The following BRINP2 variants were observed in gnomAD, a reference collection of about 807,000 sequenced individuals.
BRINP2 encodes BMP/retinoic acid inducible neural specific 2.
A neutral mutation model predicts 69.2 loss-of-function variants in BRINP2; 21 were observed. That is an observed-to-expected ratio of 0.30 (90% CI 0.22 to 0.44). BRINP2 has a LOEUF of 0.44. Ranked by LOEUF, BRINP2 falls within the 20% of genes least tolerant of loss-of-function variation. The pLI, the probability that BRINP2 is intolerant of heterozygous loss-of-function variation, is 1.00. For missense variants in BRINP2, 877 were observed against 986.0 expected, an observed-to-expected ratio of 0.89 and a Z score of 1.48; for synonymous variants, 380 against 394.1, an observed-to-expected ratio of 0.96 and a Z score of 0.42.
intron 2 of BRINP2, 67 bp downstream of exon 2, chr1:177,230,212 G>A (rs1649825927): frequency 6.6e-7 from 1 of 1,504,084 alleles, no homozygotes; most frequent in Admixed American, 2.1e-5. Context: ...CCCTGCTGGT[G>A]TGCTGGCCCA....
At chr1:177,184,005 T>C (rs996262129) in intron 1 of BRINP2, among the ~76,000 whole-genome samples, 2 of 152,242 alleles carry the variant, frequency 1.3e-5, no homozygotes. Context: ...TCTATTATCT[T>C]GATTTCCTTC....
At chr1:177,173,580 G>A (rs1032610471) in intron 1 of BRINP2, among the ~76,000 whole-genome samples, 11 of 152,206 alleles carry the variant, frequency 7.2e-5, no homozygotes, top group African/African-American at 2.4e-4. Flanking sequence ...TTCCTGCTCT[G>A]TCAGCATGGG....
chr1:177,245,224 A>G lies in BRINP2; in HGVS notation c.270-10695A>G, dbSNP rs574875333. Among the ~76,000 whole-genome samples the G allele has an allele frequency of 2.0e-5, 3 of 152,220 alleles. No individual in the cohort carries two copies. In the East Asian group the frequency reaches 5.8e-4, roughly 30 times the overall value. ...TAATGTACTCTCAGTGGCTCAGAAT[A>G]TATCTACCAGATTGTGTTCAATTTT... On this transcript the variant is annotated intron_variant, in intron 2 of 7. Coordinates refer to ENST00000361539, the MANE Select transcript of BRINP2 (RefSeq NM_021165.4).
intron 1 of BRINP2, among the ~76,000 whole-genome samples, chr1:177,208,178 G>A (rs1045138415): frequency 1.3e-5 from 2 of 152,202 alleles, no homozygotes; most frequent in African/African-American, 2.4e-5. Context: ...ATGAAAAGCA[G>A]TAAGAGCAAT....
chr1:177,246,131 G>C (rs1469961204), intron 2 of BRINP2, among the ~76,000 whole-genome samples: 2 of 152,186 alleles, frequency 1.3e-5, no homozygotes, highest in African/African-American at 2.4e-5. Context: ...GTGTCTCTAA[G>C]AATTGCAAGG....
chr1:177,267,481 T>C (rs534861092), intron 4 of BRINP2, among the ~76,000 whole-genome samples: 1 of 152,350 alleles, frequency 6.6e-6, no homozygotes, highest in South Asian at 2.1e-4. Flanking sequence ...ATTTTATCTC[T>C]TGGTCAATGC....
At chr1:177,274,655 C>T (rs1457596489) in intron 5 of BRINP2, among the ~76,000 whole-genome samples, 1 of 152,288 alleles carries the variant, frequency 6.6e-6, no homozygotes. Context: ...TACCCCAACA[C>T]TCATGCAGAC....
chr1:177,238,579 G>C (rs993454896), intron 2 of BRINP2, among the ~76,000 whole-genome samples: 1 of 152,200 alleles, frequency 6.6e-6, no homozygotes, highest in Admixed American at 6.5e-5. Flanking sequence ...GAATGTCCAA[G>C]AGACAAGAGC....
chr1:177,249,993 G>A (rs1650529580), intron 2 of BRINP2, among the ~76,000 whole-genome samples: 1 of 152,208 alleles, frequency 6.6e-6, no homozygotes, highest in Admixed American at 6.5e-5. Flanking sequence ...CTGTGGCTTA[G>A]TACTTATGCC....
chr1:177,185,852 T>C (rs1173268520), intron 1 of BRINP2, among the ~76,000 whole-genome samples: 1 of 152,194 alleles, frequency 6.6e-6, no homozygotes, highest in African/African-American at 2.4e-5. Context: ...TTCTGGAAAT[T>C]ACTGCCAGTG....
intron 7 of BRINP2, 101 bp downstream of exon 7, chr1:177,278,886 G>A: frequency 2.6e-6 from 3 of 1,148,790 alleles, no homozygotes; most frequent in Non-Finnish European, 3.8e-6. Flanking sequence ...TCAGGGAGTG[G>A]TGACTCACAC....
chr1:177,263,986 C>G (rs1651044796), intron 4 of BRINP2, among the ~76,000 whole-genome samples: 1 of 152,142 alleles, frequency 6.6e-6, no homozygotes, highest in Non-Finnish European at 1.5e-5. Flanking sequence ...ATAATTATGG[C>G]CATGAGTCTC....
At chr1:177,196,958 A>G (rs1268187730) in intron 1 of BRINP2, among the ~76,000 whole-genome samples, 1 of 152,040 alleles carries the variant, frequency 6.6e-6, no homozygotes, top group African/African-American at 2.4e-5. Flanking sequence ...CCCAGTTCAT[A>G]TGTTGGATCC....
rs1651001771 is a variant in BRINP2, at chr1:177,262,878, A to G, written c.669+5494A>G. On this transcript the variant is annotated intron_variant, in intron 4 of 7. Coordinates refer to ENST00000361539, the MANE Select transcript of BRINP2 (RefSeq NM_021165.4). ...CACAGTAGATTTCTGGGTAGCACTG[A>G]GAGCCCGCTTCGGTGGCCATAATTA... 3.9e-5 allele frequency among the ~76,000 whole-genome samples: 6 copies of G among 152,232 alleles called. No homozygotes were observed. The South Asian group carries it at 1.2e-3, about 32-fold the overall frequency.
chr1:177,238,184 G>A (rs1335185218), intron 2 of BRINP2, among the ~76,000 whole-genome samples: 1 of 152,216 alleles, frequency 6.6e-6, no homozygotes, highest in Non-Finnish European at 1.5e-5. Context: ...GTATGCAAAG[G>A]ATTAGAAGTG....
intron 1 of BRINP2, among the ~76,000 whole-genome samples, chr1:177,189,154 T>C (rs1038711402): frequency 2.0e-5 from 3 of 152,176 alleles, no homozygotes; most frequent in Non-Finnish European, 2.9e-5. Context: ...GATTATACAT[T>C]GTATGATCTT....
chr1:177,199,506 C>T (rs1341466762), intron 1 of BRINP2, among the ~76,000 whole-genome samples: 1 of 152,108 alleles, frequency 6.6e-6, no homozygotes, highest in Non-Finnish European at 1.5e-5. Context: ...GATTCATTCC[C>T]ATATTTAGTA....
intron 1 of BRINP2, among the ~76,000 whole-genome samples, chr1:177,185,290 T>C (rs1428520421): frequency 6.6e-6 from 1 of 152,226 alleles, no homozygotes; most frequent in African/African-American, 2.4e-5. Flanking sequence ...GTTTTATCTT[T>C]GTTTAGCCAA....
At position 177,189,195 on chromosome 1, in the gene BRINP2, A is replaced by T. The variant is rs201011908; in HGVS notation, c.-77+17463A>T. On this transcript the variant is annotated intron_variant, in intron 1 of 7. Transcript: ENST00000361539. The stretch of plus-strand genomic sequence containing the variant: ...AAAGCAATAGTTCAAGTTAGACTTG[A>T]TTCTGAAAACTCCAAAGACCAAAAA... Among the ~76,000 whole-genome samples, 13 of 152,290 alleles carry T rather than the reference A, an allele frequency of 8.5e-5. No individual in the cohort carries two copies. In the East Asian group the frequency reaches 2.5e-3, roughly 29 times the overall value.
Sources: allele counts gnomAD v4.1 joint callset (sites outside exome capture counted in the v4.1 genomes callset), GRCh38; gene constraint gnomAD v4.1.1; transcripts MANE v1.5; gene names NCBI Gene and HGNC (gene_info 2026-07-23, HGNC 2026-07-21).